Variants in MYOM3 observed in about 807,000 individuals in gnomAD.
MYOM3 encodes the protein myomesin 3, also known as myomesin-3.
MYOM3 carries 155 observed loss-of-function variants against 191.7 expected under a neutral mutation model. The ratio of observed to expected loss-of-function variants is 0.81; its 90% CI spans 0.71 to 0.92. The LOEUF is 0.92. Ranked by LOEUF, MYOM3 falls within the 40% of genes least tolerant of loss-of-function variation. The pLI, the probability that MYOM3 is intolerant of heterozygous loss-of-function variation, is 0.00. For missense variants in MYOM3, 1,889 were observed against 1,890.6 expected (o/e 1.00, Z 0.02); for synonymous variants, 757 against 762.9 (o/e 0.99, Z 0.13).
intron 20 of MYOM3, among the ~76,000 whole-genome samples, chr1:24,076,956 G>A (rs567464358): frequency 6.6e-6 from 1 of 152,232 alleles, no homozygotes; most frequent in East Asian, 1.9e-4. Context: ...CAAGTAGCTG[G>A]TACTACAGGC....
intron 5 of MYOM3, among the ~76,000 whole-genome samples, chr1:24,100,587 C>T (rs1207630517): frequency 1.3e-5 from 2 of 152,126 alleles, no homozygotes; most frequent in Non-Finnish European, 2.9e-5. Context: ...GAGGAGCTTT[C>T]AAAAATCTCC....
In MYOM3 at chr1:24,075,318, C is replaced by T; in HGVS notation, c.2858+1G>A. 8 of 1,612,116 alleles carry T rather than the reference C, an allele frequency of 5.0e-6. No individual in the cohort carries two copies. Among genetic ancestry groups the T allele is most frequent in the Non-Finnish European group, 6.8e-6 (8 of 1,179,868 alleles). The stretch of plus-strand genomic sequence containing the variant: ...GTTGTTTCTCCTCTCGCCTCACTTA[C>T]TTGTTAACTTTATCCTCGATCTTGA... On this transcript the variant is annotated splice_donor_variant, in intron 22 of 36. Transcript: ENST00000374434. LOFTEE classifies it high-confidence loss of function.
chr1:24,060,741 G>A (rs535456257), intron 35 of MYOM3, among the ~76,000 whole-genome samples: 18 of 152,176 alleles, frequency 1.2e-4, no homozygotes, highest in Non-Finnish European at 2.2e-4. Flanking sequence ...CAGCTTTAAA[G>A]TCACCCCATC....
In MYOM3 at chr1:24,090,138, T is replaced by C. The variant is rs72648548; in HGVS notation, c.1433-20A>G. On this transcript the variant is annotated intron_variant, in intron 12 of 36. Coordinates refer to ENST00000374434, the MANE Select transcript of MYOM3 (RefSeq NM_152372.4). ...GGATCTCTAGGATGAGAAGGGAGCA[T>C]GGGAGGGTGGGGGGTGGCACAGGAG... is the stretch of plus-strand genomic sequence containing the variant. 0.069 allele frequency: 109,498 copies of C among 1,579,872 alleles called. 4,730 individuals are homozygous for C. The highest frequency in any genetic ancestry group is 0.16 in the South Asian group (14,870 of 90,334).
chr1:24,111,065 C>T lies in MYOM3; in HGVS notation c.-19+966G>A, dbSNP rs1221202232. ...CAGACCCCTGGCTTTAGCGGATGAG[C>T]TACCAATTCTTTTTAAAGCACTGAC... On this transcript the variant is annotated intron_variant, in intron 1 of 36. Transcript: ENST00000374434. The surrounding 1 kb of genome is among the most constrained non-coding windows in gnomAD (Gnocchi z 4.7). Among the ~76,000 whole-genome samples, 1 of 152,260 alleles carries T rather than the reference C, an allele frequency of 6.6e-6. No homozygotes were observed. The highest frequency in any genetic ancestry group is 2.4e-5 in the African/African-American group (1 of 41,474).
intron 3 of MYOM3, among the ~76,000 whole-genome samples, chr1:24,107,722 G>T (rs1030644488): frequency 6.6e-6 from 1 of 152,150 alleles, no homozygotes; most frequent in Non-Finnish European, 1.5e-5. Context: ...CCCCCACCAC[G>T]TGAAGCCCAG....
intron 1 of MYOM3, among the ~76,000 whole-genome samples, chr1:24,109,539 CTATG>C (rs1370457347): frequency 6.6e-6 from 1 of 152,194 alleles, no homozygotes; most frequent in Non-Finnish European, 1.5e-5. Flanking sequence ...AATGCTTTCT[CTATG>C]TAATTATTTT....
rs1557606242 is a variant in MYOM3 at position 24,076,231 on chromosome 1, G to A, written c.2629C>T (p.Gln877Ter). The change falls in exon 21 of 37, where the codon CAG becomes TAG. Residue 877 changes from glutamine (Q) to a stop codon, truncating the protein, a stop_gained. Coordinates refer to ENST00000374434, the MANE Select transcript of MYOM3 (RefSeq NM_152372.4). LOFTEE classifies it high-confidence loss of function. Reference protein sequence around the residue: ...QPGKSYVFQVQAMNSAGLGQP... With the variant: ...QPGKSYVFQV Reference sequence around the variant, plus strand: ...CCCAGACCAGCTGAATTCATGGCCTGTACCTGGAACACGTAACTCTTTCCT... The same window carrying A: ...CCCAGACCAGCTGAATTCATGGCCTATACCTGGAACACGTAACTCTTTCCT... 6.2e-7 allele frequency: 1 copy of A among 1,614,198 alleles called. No individual in the cohort carries two copies. The highest frequency in any genetic ancestry group is 8.5e-7 in the Non-Finnish European group (1 of 1,180,018).
At chr1:24,076,040 G>A in intron 21 of MYOM3, 119 bp downstream of exon 21, 1 of 716,394 alleles carries the variant, frequency 1.4e-6, no homozygotes. Context: ...CTTGCTGGAG[G>A]GCCAGAGAAG....
chr1:24,077,383 G>T (rs1025617118), intron 20 of MYOM3, among the ~76,000 whole-genome samples: 2 of 152,090 alleles, frequency 1.3e-5, no homozygotes, highest in Admixed American at 1.3e-4. Flanking sequence ...TTGTCCTCTT[G>T]CCCCTCCATC....
chr1:24,095,434 C>T lies in MYOM3; in HGVS notation c.790+8G>A, dbSNP rs563024150. 23 of 1,612,010 alleles carry T rather than the reference C, an allele frequency of 1.4e-5. No individual in the cohort carries two copies. The East Asian group carries it at 1.6e-4, about 11-fold the overall frequency. ...ATCCCAGGTCCCGTTCTCCCCCAGC[C>T]GACTTACTTTTGAAGATCTCTGAAT... On this transcript the variant is annotated splice_region_variant and intron_variant, in intron 8 of 36. Coordinates refer to ENST00000374434, the MANE Select transcript of MYOM3 (RefSeq NM_152372.4).
Position 24,107,926 on chromosome 1 carries a change from G to A in MYOM3, c.242+67C>T, listed in dbSNP as rs534409400. ...ACACTCGGGGTGAAAGGCCAGCAGG[G>A]AGGCCGGGGACTGGACAGGATGGCC... On this transcript the variant is annotated intron_variant, in intron 3 of 36. Coordinates refer to ENST00000374434, the MANE Select transcript of MYOM3 (RefSeq NM_152372.4). The A allele has an allele frequency of 5.8e-6, 8 of 1,373,066 alleles. No homozygotes were observed. The African/African-American group carries it at 1.2e-4, about 20-fold the overall frequency. The allele number at this position is 1,373,066 out of a possible 1,614,324, so 85.1% of individuals were successfully genotyped here. A position where few individuals can be genotyped will look rare whatever the true frequency, so the allele number is the denominator to read the frequency against.
At chr1:24,081,579 T>C in intron 18 of MYOM3, 123 bp from the exon 19 acceptor site, 1 of 1,186,560 alleles carries the variant, frequency 8.4e-7, no homozygotes, top group East Asian at 2.5e-5. Context: ...TTTTTATTTT[T>C]TGAGACATGG....
Position 24,090,929 on chromosome 1 carries a change from T to C in MYOM3, c.1300A>G (p.Ile434Val), listed in dbSNP as rs147902167. Reference sequence around the variant, plus strand: ...CTCTGACCTTCGACGAGGCCTTGGATTGGGCACCGACAAGTCCCTCCGGGG... The same window carrying C: ...CTCTGACCTTCGACGAGGCCTTGGACTGGGCACCGACAAGTCCCTCCGGGG... ...EAPGGTCRCP[I>V]QGLVEGQSYR... Residue 434 changes from isoleucine to valine, a missense_variant, in exon 12 of 37, where the codon ATC becomes GTC. By Grantham distance (29) the Ile-to-Val change is conservative. Transcript: ENST00000374434. 26,831 of 1,614,078 alleles carry C rather than the reference T, an allele frequency of 0.017. 297 individuals are homozygous for C. Among genetic ancestry groups the C allele is most frequent in the Non-Finnish European group, 0.021 (24,522 of 1,179,980 alleles).
At chr1:24,110,611 G>T (rs1237540321) in intron 1 of MYOM3, among the ~76,000 whole-genome samples, 29 of 152,098 alleles carry the variant, frequency 1.9e-4, no homozygotes, top group Non-Finnish European at 2.9e-5. Flanking sequence ...GTCTGCAGTT[G>T]TGGGCATCAG....
At chr1:24,066,964 G>A (rs1009528665) in intron 28 of MYOM3, 57 bp downstream of exon 28, 2 of 1,484,650 alleles carry the variant, frequency 1.3e-6, no homozygotes, top group Non-Finnish European at 1.8e-6. Context: ...CTGGGCTTGG[G>A]GACAAGCCAC....
At chr1:24,097,136 A>G (rs1643882412) in intron 7 of MYOM3, among the ~76,000 whole-genome samples, 1 of 152,126 alleles carries the variant, frequency 6.6e-6, no homozygotes, top group African/African-American at 2.4e-5. Flanking sequence ...CCAGCTGGAA[A>G]ATGTGCAAAA....
chr1:24,068,975 C>T lies in MYOM3; in HGVS notation c.3151-608G>A, dbSNP rs190172239. ...CTGGCCTCAAGTGATCTGCCTGCCT[C>T]GGCCTCCCAAAGTGCTGGGATTACA... On this transcript the variant is annotated intron_variant, in intron 25 of 36. Coordinates refer to ENST00000374434, the MANE Select transcript of MYOM3 (RefSeq NM_152372.4). Among the ~76,000 whole-genome samples the T allele has an allele frequency of 2.4e-3, 361 of 152,206 alleles. 1 individual carries two copies. Among genetic ancestry groups the T allele is most frequent in the Middle Eastern group, 0.01 (3 of 294 alleles).
intron 26 of MYOM3, 85 bp from the exon 27 acceptor site, chr1:24,068,114 G>A (rs1643475998): frequency 1.3e-6 from 2 of 1,577,914 alleles, no homozygotes; most frequent in Non-Finnish European, 1.7e-6. Context: ...AAGTCGAGGG[G>A]GCTGTGCTCA....
Sources: allele counts gnomAD v4.1 joint callset (sites outside exome capture counted in the v4.1 genomes callset), GRCh38; gene constraint gnomAD v4.1.1; non-coding constraint Gnocchi (gnomAD v3.1); transcripts MANE v1.5; gene names NCBI Gene and HGNC (gene_info 2026-07-23, HGNC 2026-07-21).